Variants in PTK2B observed in about 807,000 individuals in gnomAD.
PTK2B encodes the protein protein tyrosine kinase 2 beta.
In PTK2B, 71 loss-of-function variants were observed where a neutral mutation model predicts 142.9. That is an observed-to-expected ratio of 0.50 (90% CI 0.41 to 0.61). The LOEUF (loss-of-function observed/expected upper bound fraction) is 0.61, where lower values mean the gene tolerates loss of function less well. Among genes scored for constraint, PTK2B ranks in the 20% least tolerant of loss-of-function variants. The pLI is 0.00. For missense variants in PTK2B, 1,105 were observed against 1,320.4 expected, an observed-to-expected ratio of 0.84 and a Z score of 2.53; for synonymous variants, 519 against 503.4, an observed-to-expected ratio of 1.03 and a Z score of -0.42.
intron 1 of PTK2B, among the ~76,000 whole-genome samples, chr8:27,381,366 A>G (rs1367692175): frequency 1.3e-5 from 2 of 152,180 alleles, no homozygotes; most frequent in African/African-American, 4.8e-5. Flanking sequence ...AGCCTATTAT[A>G]ACCACGATTC....
chr8:27,399,778 C>T (rs1808264900), intron 2 of PTK2B, among the ~76,000 whole-genome samples: 1 of 152,210 alleles, frequency 6.6e-6, no homozygotes, highest in African/African-American at 2.4e-5. Context: ...CAAAATGCCA[C>T]CTGCTTATTG....
At chr8:27,312,915 C>G (rs1803012795) in intron 2 of PTK2B, among the ~76,000 whole-genome samples, 1 of 152,180 alleles carries the variant, frequency 6.6e-6, no homozygotes, top group Non-Finnish European at 1.5e-5. Context: ...TCTGAGTTAA[C>G]AGCAGTGAAT....
intron 1 of PTK2B, among the ~76,000 whole-genome samples, chr8:27,346,056 C>T (rs976016135): frequency 2.6e-5 from 4 of 152,308 alleles, no homozygotes; most frequent in African/African-American, 9.6e-5. Context: ...TCAGATGTTC[C>T]TCATTCCCTC....
At chr8:27,360,358 A>T (rs1367373412) in intron 1 of PTK2B, among the ~76,000 whole-genome samples, 1 of 152,254 alleles carries the variant, frequency 6.6e-6, no homozygotes. Flanking sequence ...CAAGCGCCGC[A>T]GAGAAGGAAA....
At chr8:27,313,662 T>C (rs1168496738) in intron 3 of PTK2B, among the ~76,000 whole-genome samples, 1 of 152,182 alleles carries the variant, frequency 6.6e-6, no homozygotes, top group Non-Finnish European at 1.5e-5. Flanking sequence ...TTTGTACACA[T>C]GCCCATCTGA....
chr8:27,332,979 G>T (rs1052599570), intron 1 of PTK2B, among the ~76,000 whole-genome samples: 2 of 152,212 alleles, frequency 1.3e-5, no homozygotes, highest in African/African-American at 4.8e-5. Flanking sequence ...TTAACTCTAA[G>T]TTACTTAAAG....
chr8:27,439,531 C>T (rs572784471), intron 20 of PTK2B, 133 bp downstream of exon 20: 1 of 1,013,672 alleles, frequency 9.9e-7, no homozygotes, highest in East Asian at 2.5e-5. Flanking sequence ...GCTGTGGCCA[C>T]TGAGAAGTCT....
rs746762917 is a variant in PTK2B, at chr8:27,422,312, C to T, written c.480C>T (p.Asn160=). 46 of 1,613,342 alleles carry T rather than the reference C, an allele frequency of 2.9e-5. No homozygotes were observed. The highest frequency in any genetic ancestry group is 1.1e-4 in the East Asian group (5 of 44,872). The stretch of plus-strand genomic sequence containing the variant: ...ACCTTTCTCCCCACCAGCTCCGGAA[C>T]GACTACATGCAGCGCTACGCCAGCA... ...TLLYFYQQLR[N]DYMQRYASKV... Residue 160 remains asparagine (N), a synonymous_variant, in exon 5 of 31, where the codon AAC becomes AAT. Transcript: ENST00000346049.
Position 27,397,649 on chromosome 8 carries a change from C to G in PTK2B, c.65C>G (p.Pro22Arg). The change falls in exon 2 of 31, where the codon CCT (proline) becomes CGT (arginine). Residue 22 changes from proline (P) to arginine (R), a missense_variant. Pro to Arg is a moderately radical substitution (Grantham distance 103). Coordinates refer to ENST00000346049, the MANE Select transcript of PTK2B (RefSeq NM_173176.3). ...KLGTLRRPEGPAEPMVVVPVD... is the reference protein window; with the variant it reads ...KLGTLRRPEGRAEPMVVVPVD... ...GGCACGTTACGCCGGCCTGAAGGCC[C>G]TGCAGAGCCCATGGTGGTGGTACCA... is the stretch of plus-strand genomic sequence containing the variant. 6.2e-7 allele frequency: 1 copy of G among 1,614,262 alleles called. No individual in the cohort carries two copies. Among genetic ancestry groups the G allele is most frequent in the Admixed American group, 1.7e-5 (1 of 60,032 alleles).
upstream of PTK2B, among the ~76,000 whole-genome samples, chr8:27,323,814 A>G (rs1388722543): frequency 6.6e-6 from 1 of 151,996 alleles, no homozygotes; most frequent in Non-Finnish European, 1.5e-5. Flanking sequence ...GATTTGGGAG[A>G]TTCTTTTTTT....
chr8:27,437,259 G>A (rs1810839095), intron 16 of PTK2B, 53 bp downstream of exon 16: 2 of 1,571,622 alleles, frequency 1.3e-6, no homozygotes, highest in African/African-American at 2.7e-5. Flanking sequence ...GCTTCAGCCT[G>A]GGAAGAGAGG....
chr8:27,329,419 C>A (rs1803607776), intron 1 of PTK2B, among the ~76,000 whole-genome samples: 2 of 152,138 alleles, frequency 1.3e-5, no homozygotes. Flanking sequence ...CCAAATACTG[C>A]TAGGACAAAG....
At chr8:27,337,020 A>G (rs1374669363) in intron 1 of PTK2B, among the ~76,000 whole-genome samples, 1 of 142,606 alleles carries the variant, frequency 7.0e-6, no homozygotes, top group Non-Finnish European at 1.5e-5. Flanking sequence ...ACCGCTAATT[A>G]ATACTTATTG....
intron 3 of PTK2B, among the ~76,000 whole-genome samples, chr8:27,318,278 C>T (rs1017228802): frequency 2.6e-5 from 4 of 152,172 alleles, no homozygotes; most frequent in African/African-American, 7.2e-5. Flanking sequence ...TTCCTGCACA[C>T]GGTGGGCTGG....
Position 27,433,381 on chromosome 8 carries a change from TG to T in PTK2B, c.988-52del, listed in dbSNP as rs766904552. 2.1e-6 allele frequency: 3 copies of T among 1,456,442 alleles called. No homozygotes were observed. In the South Asian group the frequency reaches 3.5e-5, roughly 17 times the overall value. The allele number at this position is 1,456,442 out of a possible 1,614,324, so 90.2% of individuals were successfully genotyped here. On this transcript the variant is annotated intron_variant, in intron 10 of 30. Coordinates refer to ENST00000346049, the MANE Select transcript of PTK2B (RefSeq NM_173176.3). Reference sequence around the variant, plus strand: ...GCCATCTCTTCTCCAGCCCTGGGGGTGGTCTCTAGCCAAGGCTCTGGGGTCT... The same window carrying T: ...GCCATCTCTTCTCCAGCCCTGGGGGTGTCTCTAGCCAAGGCTCTGGGGTCT...
At chr8:27,454,505 G>A (rs753042309) in intron 29 of PTK2B, 26 bp from the exon 30 acceptor site, 2 of 1,609,226 alleles carry the variant, frequency 1.2e-6, no homozygotes, top group Non-Finnish European at 1.7e-6. Context: ...AGGAGTGGCG[G>A]CCATCCTGCC....
chr8:27,324,870 TTGAGTGCCTGCTCACATA>T (rs1221506568), upstream of PTK2B, among the ~76,000 whole-genome samples: 1 of 152,192 alleles, frequency 6.6e-6, no homozygotes, highest in East Asian at 1.9e-4. Flanking sequence ...CTAAGTGCCC[TTGAGTGCCTGCTCACATA>T]TCACCGGCCT....
rs1812328785 is a variant in PTK2B at position 27,458,960 on chromosome 8, C to G, written c.*451C>G. The G allele has an allele frequency of 6.3e-6, 2 of 316,522 alleles. No individual in the cohort carries two copies. Among genetic ancestry groups the G allele is most frequent in the Non-Finnish European group, 1.2e-5 (2 of 167,734 alleles). 19.6% of individuals were successfully genotyped at this position (316,522 alleles called of 1,614,324 possible). A position where few individuals can be genotyped will look rare whatever the true frequency, so the allele number is the denominator to read the frequency against. On this transcript the variant is annotated 3_prime_UTR_variant, in exon 31 of 31. Transcript: ENST00000346049. Reference sequence around the variant, plus strand: ...TGGGGAGGAGCTTTGTTTTGGGGGTCAGGCAGCCAGTGAGATGAGGGATGG... The same window carrying G: ...TGGGGAGGAGCTTTGTTTTGGGGGTGAGGCAGCCAGTGAGATGAGGGATGG...
At chr8:27,329,492 TC>T (rs1255939606) in intron 1 of PTK2B, among the ~76,000 whole-genome samples, 1 of 152,094 alleles carries the variant, frequency 6.6e-6, no homozygotes, top group Non-Finnish European at 1.5e-5. Flanking sequence ...GCATGGTAGG[TC>T]ACTCAGTCTC....
Sources: allele counts gnomAD v4.1 joint callset (sites outside exome capture counted in the v4.1 genomes callset), GRCh38; gene constraint gnomAD v4.1.1; transcripts MANE v1.5; gene names NCBI Gene and HGNC (gene_info 2026-07-23, HGNC 2026-07-21).